Variants in GRIA1 observed in about 807,000 individuals in gnomAD.
The protein encoded by GRIA1 is glutamate receptor 1.
GRIA1 carries 31 observed loss-of-function variants against 99.2 expected under a neutral mutation model. The observed-to-expected ratio is 0.31, with a 90% CI of 0.23 to 0.42. The LOEUF is 0.42. GRIA1 is among the 10% of genes least tolerant of loss of function. The pLI, the probability that GRIA1 is intolerant of heterozygous loss-of-function variation, is 1.00. For synonymous variants in GRIA1, 438 were observed against 432.4 expected (o/e 1.01, Z -0.16); for missense variants, 782 against 1,157.5 (o/e 0.68, Z 4.71).
intron 5 of GRIA1, among the ~76,000 whole-genome samples, chr5:153,658,246 T>C (rs781023596): frequency 3.3e-5 from 5 of 152,122 alleles, no homozygotes; most frequent in Non-Finnish European, 7.4e-5. Context: ...AGGGTGGGGA[T>C]AGGCATAATT....
intron 2 of GRIA1, among the ~76,000 whole-genome samples, chr5:153,644,403 C>T (rs187329452): frequency 2.3e-4 from 35 of 152,230 alleles, no homozygotes; most frequent in African/African-American, 8.4e-4. Context: ...TTCAGGGTGA[C>T]CCAACAGTCA....
chr5:153,501,581 A>G (rs1355471531), intron 2 of GRIA1, among the ~76,000 whole-genome samples: 2 of 152,220 alleles, frequency 1.3e-5, no homozygotes, highest in Non-Finnish European at 2.9e-5. Context: ...TGCCGTGTTT[A>G]GATTTCTGTT....
chr5:153,676,950 G>T, intron 6 of GRIA1, 44 bp from the exon 7 acceptor site: 1 of 1,339,204 alleles, frequency 7.5e-7, no homozygotes. Flanking sequence ...CTGCCTTCCT[G>T]TCAGCTCTCT....
chr5:153,803,269 A>G (rs1766178739), intron 15 of GRIA1, among the ~76,000 whole-genome samples: 1 of 152,264 alleles, frequency 6.6e-6, no homozygotes, highest in African/African-American at 2.4e-5. Context: ...ATACAAGTAG[A>G]GGATGAATAA....
intron 13 of GRIA1, among the ~76,000 whole-genome samples, chr5:153,784,695 T>C (rs1042214251): frequency 1.3e-5 from 2 of 152,168 alleles, no homozygotes; most frequent in African/African-American, 4.8e-5. Context: ...CCTCTCCCAG[T>C]TCACTCATCA....
chr5:153,667,331 C>A (rs1755820379), intron 5 of GRIA1, among the ~76,000 whole-genome samples: 1 of 152,202 alleles, frequency 6.6e-6, no homozygotes, highest in Non-Finnish European at 1.5e-5. Context: ...GGCTGAACAG[C>A]TCGTATGTGA....
chr5:153,511,980 C>T (rs1756123658), intron 2 of GRIA1, among the ~76,000 whole-genome samples: 1 of 152,246 alleles, frequency 6.6e-6, no homozygotes, highest in South Asian at 2.1e-4. Flanking sequence ...CTCTGTTACA[C>T]TGCTGTTACA....
intron 2 of GRIA1, among the ~76,000 whole-genome samples, chr5:153,629,774 T>C (rs1171077448): frequency 6.6e-6 from 1 of 152,256 alleles, no homozygotes; most frequent in Non-Finnish European, 1.5e-5. Context: ...GTGCAGAACA[T>C]GCTGTTCTTC....
At chr5:153,761,663 G>A (rs895356842) in intron 11 of GRIA1, among the ~76,000 whole-genome samples, 2 of 152,128 alleles carry the variant, frequency 1.3e-5, no homozygotes, top group Non-Finnish European at 2.9e-5. Flanking sequence ...TCTCACCATT[G>A]AGTAAATATA....
chr5:153,614,972 CA>C (rs1561692169), intron 2 of GRIA1, among the ~76,000 whole-genome samples: 1 of 152,182 alleles, frequency 6.6e-6, no homozygotes, highest in Non-Finnish European at 1.5e-5. Flanking sequence ...AGTGGGTTTA[CA>C]GTTATTATCA....
intron 13 of GRIA1, among the ~76,000 whole-genome samples, chr5:153,780,634 A>G (rs1367582071): frequency 6.6e-6 from 1 of 152,252 alleles, no homozygotes; most frequent in South Asian, 2.1e-4. Context: ...TTTGAAGCTT[A>G]ATTTTCTCAT....
chr5:153,745,356 G>A (rs1762077493), intron 11 of GRIA1, among the ~76,000 whole-genome samples: 2 of 151,840 alleles, frequency 1.3e-5, no homozygotes, highest in Non-Finnish European at 2.9e-5. Context: ...GGGAGGCCAA[G>A]GTGAGTGGGT....
intron 11 of GRIA1, among the ~76,000 whole-genome samples, chr5:153,714,731 T>A (rs1488155607): frequency 6.6e-6 from 1 of 152,250 alleles, no homozygotes; most frequent in African/African-American, 2.4e-5. Context: ...GGGAGCCTGA[T>A]GGTTTTGAAT....
intron 2 of GRIA1, among the ~76,000 whole-genome samples, chr5:153,531,606 T>C (rs1412786316): frequency 6.6e-6 from 1 of 152,216 alleles, no homozygotes; most frequent in Non-Finnish European, 1.5e-5. Context: ...TTAGCAAAAG[T>C]CTGCACTTCC....
chr5:153,695,643 G>A (rs1758042023), intron 8 of GRIA1, among the ~76,000 whole-genome samples: 1 of 152,202 alleles, frequency 6.6e-6, no homozygotes, highest in Non-Finnish European at 1.5e-5. Flanking sequence ...TGATTCTTCA[G>A]TCCCCTTCCA....
chr5:153,778,663 AC>A (rs1561853533), intron 13 of GRIA1, among the ~76,000 whole-genome samples: 1 of 151,418 alleles, frequency 6.6e-6, no homozygotes, highest in Admixed American at 6.6e-5. Context: ...ACACACACAC[AC>A]ACACACACAC....
intron 11 of GRIA1, among the ~76,000 whole-genome samples, chr5:153,715,119 C>G (rs1759576392): frequency 6.6e-6 from 1 of 152,154 alleles, no homozygotes; most frequent in Non-Finnish European, 1.5e-5. Context: ...GTCACTTTCT[C>G]TCTGTGTGTC....
chr5:153,648,430 G>A (rs1019371417), intron 3 of GRIA1, among the ~76,000 whole-genome samples: 2 of 152,224 alleles, frequency 1.3e-5, no homozygotes, highest in East Asian at 3.9e-4. Context: ...TCTCAAAAGA[G>A]CTCCACCTAC....
chr5:153,596,274 A>G (rs1265506020), intron 2 of GRIA1, among the ~76,000 whole-genome samples: 8 of 152,244 alleles, frequency 5.3e-5, no homozygotes. Flanking sequence ...AAGCATCTTA[A>G]AATTCACTTT....
Sources: allele counts gnomAD v4.1 joint callset (sites outside exome capture counted in the v4.1 genomes callset), GRCh38; gene constraint gnomAD v4.1.1; transcripts MANE v1.5; gene names NCBI Gene and HGNC (gene_info 2026-07-23, HGNC 2026-07-21).